USP22: variants seen among roughly 807,000 people sequenced by gnomAD.
USP22 encodes the protein ubiquitin specific peptidase 22.
Under a neutral mutation model 68.1 loss-of-function variants are expected in USP22, and 22 were observed. The ratio of observed to expected loss-of-function variants is 0.32; its 90% CI spans 0.23 to 0.46. The LOEUF is 0.46. USP22 is among the 20% of genes least tolerant of loss of function. The pLI, the probability that USP22 is intolerant of heterozygous loss-of-function variation, is 1.00. For synonymous variants in USP22, 279 were observed against 274.2 expected, an observed-to-expected ratio of 1.02 and a Z score of -0.17; for missense variants, 433 against 695.8, an observed-to-expected ratio of 0.62 and a Z score of 4.25.
chr17:21,024,039 A>G (rs1972190847), intron 2 of USP22, among the ~76,000 whole-genome samples: 1 of 152,240 alleles, frequency 6.6e-6, no homozygotes, highest in African/African-American at 2.4e-5. Flanking sequence ...AACTCAAAAC[A>G]GCAGTTTAAG....
chr17:21,009,486 C>T (rs927509559), intron 8 of USP22, among the ~76,000 whole-genome samples: 4 of 152,014 alleles, frequency 2.6e-5, no homozygotes, highest in Non-Finnish European at 5.9e-5. Context: ...CTCTACCTCT[C>T]CTCCACCTTC....
intron 2 of USP22, among the ~76,000 whole-genome samples, chr17:21,022,286 G>A (rs928090860): frequency 1.2e-4 from 18 of 151,730 alleles, no homozygotes; most frequent in South Asian, 2.1e-4. Context: ...TCGTGTGCAT[G>A]TCCAGTTTTT....
At chr17:21,038,907 C>T (rs1972390476) in intron 1 of USP22, among the ~76,000 whole-genome samples, 2 of 152,012 alleles carry the variant, frequency 1.3e-5, no homozygotes, top group African/African-American at 4.8e-5. Context: ...ACCAAAAACA[C>T]AAAGGAGACG....
intron 1 of USP22, among the ~76,000 whole-genome samples, chr17:21,041,426 C>CG (rs1370743469): frequency 6.6e-6 from 1 of 151,786 alleles, no homozygotes; most frequent in Non-Finnish European, 1.5e-5. Flanking sequence ...GGTGAAACCC[C>CG]GTCTCTACTA....
chr17:21,007,947 C>A lies in USP22; in HGVS notation c.1153G>T (p.Gly385Cys). ...LGSSAKIKCS[G>C]CHSYQESTKQ... ...GTGGACTCCTGGTAGCTATGGCAAC[C>A]GCTGCACTTGATCTTGGCGCTGCTG... Residue 385 changes from glycine (G) to cysteine (C), a missense_variant, in exon 9 of 13, where the codon GGT becomes TGT. Physicochemically the swap from Gly to Cys is radical, Grantham distance 159 (BLOSUM62 -3). Coordinates refer to ENST00000261497, the MANE Select transcript of USP22 (RefSeq NM_015276.2). 4 of 1,614,092 alleles carry A rather than the reference C, an allele frequency of 2.5e-6. No individual in the cohort carries two copies. Among genetic ancestry groups the A allele is most frequent in the Non-Finnish European group, 3.4e-6 (4 of 1,180,034 alleles).
At position 21,002,731 on chromosome 17, in the gene USP22, C is replaced by T. The variant is rs1316950565; in HGVS notation, c.*300G>A. ...CGGTCACTCTGTGCTGTGAGGCCCC[C>T]GTTGCACCCCCATGTCATGACACAA... On this transcript the variant is annotated 3_prime_UTR_variant, in exon 13 of 13. Coordinates refer to ENST00000261497, the MANE Select transcript of USP22 (RefSeq NM_015276.2). The T allele has an allele frequency of 1.1e-5, 4 of 378,714 alleles. 1 individual carries two copies. Among genetic ancestry groups the T allele is most frequent in the South Asian group, 4.6e-5 (2 of 43,952 alleles). 23.5% of individuals were successfully genotyped at this position (378,714 alleles called of 1,614,324 possible).
intron 2 of USP22, among the ~76,000 whole-genome samples, chr17:21,023,141 C>T (rs1022486163): frequency 2.0e-5 from 3 of 152,050 alleles, no homozygotes; most frequent in African/African-American, 7.3e-5. Flanking sequence ...AACACATGGA[C>T]ACAAGAGGAG....
intron 2 of USP22, 133 bp downstream of exon 2, chr17:21,028,409 C>A (rs1972248625): frequency 1.4e-6 from 2 of 1,392,792 alleles, no homozygotes; most frequent in Admixed American, 2.0e-5. Flanking sequence ...CCAAGTGTCA[C>A]CAGTGAGGGG....
At chr17:21,038,058 T>C (rs1275360222) in intron 1 of USP22, among the ~76,000 whole-genome samples, 1 of 152,222 alleles carries the variant, frequency 6.6e-6, no homozygotes, top group Admixed American at 6.5e-5. Flanking sequence ...TTGTGATGAT[T>C]TGAAAGATCC....
intron 2 of USP22, among the ~76,000 whole-genome samples, chr17:21,023,340 G>A (rs1180451978): frequency 6.6e-6 from 1 of 152,120 alleles, no homozygotes; most frequent in Non-Finnish European, 1.5e-5. Flanking sequence ...TAAAATAAAA[G>A]TTAAAATATT....
At chr17:21,035,014 T>A (rs1325546544) in intron 1 of USP22, among the ~76,000 whole-genome samples, 1 of 152,128 alleles carries the variant, frequency 6.6e-6, no homozygotes, top group Non-Finnish European at 1.5e-5. Context: ...TACTCTATTA[T>A]CATAAACAGG....
rs140258217 is a variant in USP22, at chr17:21,015,911, C to T, written c.691-12G>A. ...TGTCCAGAGTAAAACTGCCAGAGGG[C>T]GGGGAAGGAAACCTTGTCAGGAATA... On this transcript the variant is annotated splice_polypyrimidine_tract_variant and intron_variant, in intron 5 of 12. Coordinates refer to ENST00000261497, the MANE Select transcript of USP22 (RefSeq NM_015276.2). 3.0e-5 allele frequency: 49 copies of T among 1,612,876 alleles called. No homozygotes were observed. Among genetic ancestry groups the T allele is most frequent in the Middle Eastern group, 1.7e-4 (1 of 6,026 alleles).
chr17:21,022,125 A>G (rs888371700), intron 2 of USP22, among the ~76,000 whole-genome samples: 3 of 152,140 alleles, frequency 2.0e-5, no homozygotes. Flanking sequence ...AAATAAAAAA[A>G]TTATAGTAAT....
Position 21,000,150 on chromosome 17 carries a change from G to T in USP22, c.*2881C>A, listed in dbSNP as rs1216715127. The stretch of plus-strand genomic sequence containing the variant: ...GCTGTGAATGTGCTGGGGTCACCAA[G>T]GGGGCCCCTTAGTGGTCAGATGCAC... On this transcript the variant is annotated 3_prime_UTR_variant, in exon 13 of 13. Coordinates refer to ENST00000261497, the MANE Select transcript of USP22 (RefSeq NM_015276.2). 1.3e-5 allele frequency: 2 copies of T among 152,206 alleles called. No individual in the cohort carries two copies. The highest frequency in any genetic ancestry group is 4.8e-5 in the African/African-American group (2 of 41,446). The allele number at this position is 152,206 out of a possible 1,614,324, so 9.4% of individuals were successfully genotyped here.
intron 5 of USP22, 140 bp from the exon 6 acceptor site, chr17:21,016,039 A>T: frequency 8.5e-7 from 1 of 1,178,054 alleles, no homozygotes; most frequent in Non-Finnish European, 1.1e-6. Flanking sequence ...TTACTTTTCT[A>T]CTTTTTGCAA....
chr17:21,004,777 CTG>C lies in USP22; in HGVS notation c.1385+149_1385+150del. 12 of 87,220 alleles carry C rather than the reference CTG, an allele frequency of 1.4e-4. 3 individuals carry two copies. Among genetic ancestry groups the C allele is most frequent in the Admixed American group, 9.6e-4 (5 of 5,192 alleles). The allele number at this position is 87,220 out of a possible 1,614,324, so 5.4% of individuals were successfully genotyped here. A position where few individuals can be genotyped will look rare whatever the true frequency, so the allele number is the denominator to read the frequency against. ...CGTGGAGCGGCCTTTCCTAGTGGAG[CTG>C]CGGGCAGCCAATAGTGGAGCTGCGG... On this transcript the variant is annotated intron_variant, in intron 11 of 12. Transcript: ENST00000261497.
At chr17:21,028,127 C>G (rs1422642799) in intron 2 of USP22, among the ~76,000 whole-genome samples, 2 of 152,150 alleles carry the variant, frequency 1.3e-5, no homozygotes, top group African/African-American at 2.4e-5. Context: ...AACAATGAAA[C>G]CCATTGCTGA....
At chr17:21,027,965 CT>C (rs1160058332) in intron 2 of USP22, among the ~76,000 whole-genome samples, 3 of 151,990 alleles carry the variant, frequency 2.0e-5, no homozygotes, top group Non-Finnish European at 4.4e-5. Flanking sequence ...GAGACTCCAT[CT>C]CAAAAAAAAG....
chr17:21,012,749 A>C, intron 7 of USP22, 81 bp downstream of exon 7: 1 of 1,276,776 alleles, frequency 7.8e-7, no homozygotes, highest in East Asian at 2.3e-5. Flanking sequence ...CTCTCAGAGC[A>C]CACACAGCTC....
Sources: allele counts gnomAD v4.1 joint callset (sites outside exome capture counted in the v4.1 genomes callset), GRCh38; gene constraint gnomAD v4.1.1; transcripts MANE v1.5; gene names NCBI Gene and HGNC (gene_info 2026-07-23, HGNC 2026-07-21).